The following PDE6C variants were observed in gnomAD, a reference collection of about 807,000 sequenced individuals.
PDE6C encodes the protein cone cGMP-specific 3',5'-cyclic phosphodiesterase subunit alpha'.
PDE6C carries 75 observed loss-of-function variants against 113.1 expected under a neutral mutation model. The ratio of observed to expected loss-of-function variants is 0.66; its 90% CI spans 0.55 to 0.80. PDE6C has a LOEUF of 0.80. PDE6C is among the 30% of genes least tolerant of loss of function. The probability of loss-of-function intolerance (pLI) is 0.00; values close to 1 mark genes in which losing one functional copy is unlikely to be tolerated. For missense variants in PDE6C, 912 were observed against 1,038.6 expected, an observed-to-expected ratio of 0.88 and a Z score of 1.67; for synonymous variants, 375 against 363.7, an observed-to-expected ratio of 1.03 and a Z score of -0.35.
intron 4 of PDE6C, among the ~76,000 whole-genome samples, chr10:93,622,456 T>C (rs1174287955): frequency 6.6e-6 from 1 of 152,106 alleles, no homozygotes; most frequent in African/African-American, 2.4e-5. Flanking sequence ...ATATTATTAT[T>C]AACTAAAGTC....
At chr10:93,618,356 T>A (rs1414887249) in intron 1 of PDE6C, among the ~76,000 whole-genome samples, 2 of 152,122 alleles carry the variant, frequency 1.3e-5, no homozygotes, top group Non-Finnish European at 2.9e-5. Flanking sequence ...AGGCAGTAGA[T>A]GGAAGCATTA....
At chr10:93,652,685 CAT>C (rs1589703519) in intron 15 of PDE6C, among the ~76,000 whole-genome samples, 1 of 152,076 alleles carries the variant, frequency 6.6e-6, no homozygotes, top group African/African-American at 2.4e-5. Flanking sequence ...GTATTTGTCA[CAT>C]ATGTTTCTAT....
At chr10:93,635,870 G>T (rs1169719056) in intron 10 of PDE6C, among the ~76,000 whole-genome samples, 3 of 152,148 alleles carry the variant, frequency 2.0e-5, no homozygotes, top group Admixed American at 1.3e-4. Flanking sequence ...ACAGCCCTGG[G>T]GCTATGGGAG....
chr10:93,627,680 T>C (rs1340200308), intron 7 of PDE6C, among the ~76,000 whole-genome samples: 1 of 152,172 alleles, frequency 6.6e-6, no homozygotes, highest in African/African-American at 2.4e-5. Context: ...AAACAGATAA[T>C]TGCTGATGAA....
intron 14 of PDE6C, among the ~76,000 whole-genome samples, chr10:93,644,742 A>G (rs534199602): frequency 1.4e-5 from 2 of 148,038 alleles, no homozygotes; most frequent in South Asian, 4.3e-4. Flanking sequence ...TAACCACCAA[A>G]CTACTCTCTA....
intron 15 of PDE6C, among the ~76,000 whole-genome samples, chr10:93,653,531 C>A (rs372706238): frequency 2.0e-5 from 3 of 152,010 alleles, no homozygotes; most frequent in East Asian, 1.9e-4. Flanking sequence ...GTAATCCCAG[C>A]TATTTGGGAG....
intron 3 of PDE6C, among the ~76,000 whole-genome samples, chr10:93,621,667 C>T (rs2058447148): frequency 6.6e-6 from 1 of 152,208 alleles, no homozygotes; most frequent in Non-Finnish European, 1.5e-5. Flanking sequence ...GGCACTTCCC[C>T]TTTGGAGCCA....
rs2058401353 is a variant in PDE6C, at chr10:93,613,221, A to G, written c.480+16A>G. ...TGTGAAAAAGGTAGGTGGCCTTATG[A>G]CAGTGGGGCAGAGGTCTTGGCAGGG... On this transcript the variant is annotated intron_variant, in intron 1 of 21. Coordinates refer to ENST00000371447, the MANE Select transcript of PDE6C (RefSeq NM_006204.4). 1 of 1,613,372 alleles carries G rather than the reference A, an allele frequency of 6.2e-7. No individual in the cohort carries two copies. Among genetic ancestry groups the G allele is most frequent in the Non-Finnish European group, 8.5e-7 (1 of 1,180,024 alleles).
At chr10:93,635,688 A>G (rs768358214) in intron 10 of PDE6C, 48 bp downstream of exon 10, 3 of 1,584,944 alleles carry the variant, frequency 1.9e-6, no homozygotes, top group Middle Eastern at 1.7e-4. Flanking sequence ...ACCTAACCAC[A>G]TATTCTAGAA....
In PDE6C at chr10:93,639,515, C is replaced by T. The variant is rs572579194; in HGVS notation, c.1483-555C>T. Among the ~76,000 whole-genome samples, 12 of 152,298 alleles carry T rather than the reference C, an allele frequency of 7.9e-5. No individual in the cohort carries two copies. In the South Asian group the frequency reaches 2.5e-3, roughly 32 times the overall value. On this transcript the variant is annotated intron_variant, in intron 11 of 21. Coordinates refer to ENST00000371447, the MANE Select transcript of PDE6C (RefSeq NM_006204.4). ...GGGCAATCATTGGTTTATCCATCCA[C>T]TCATTCATTCAACAGGCATTTCCTG... is the stretch of plus-strand genomic sequence containing the variant.
rs754530891 is a variant in PDE6C, at chr10:93,640,056, C to A, written c.1483-14C>A. 22 of 1,613,676 alleles carry A rather than the reference C, an allele frequency of 1.4e-5. No homozygotes were observed. The highest frequency in any genetic ancestry group is 1.6e-5 in the Non-Finnish European group (19 of 1,179,730). On this transcript the variant is annotated splice_polypyrimidine_tract_variant and intron_variant, in intron 11 of 21. Transcript: ENST00000371447. The stretch of plus-strand genomic sequence containing the variant: ...ATGAATGTAATCTGAAACAACCCAT[C>A]CTTATTTCAACAGAAAGAGGACTTG...
intron 3 of PDE6C, 136 bp downstream of exon 3, chr10:93,621,116 C>T (rs925926870): frequency 2.1e-5 from 15 of 719,034 alleles, no homozygotes; most frequent in Middle Eastern, 3.7e-4. Flanking sequence ...TTCAGTCCCA[C>T]GTGTCCTCTC....
chr10:93,630,328 G>GC (rs1458548631), intron 8 of PDE6C, among the ~76,000 whole-genome samples: 1 of 75,794 alleles, frequency 1.3e-5, no homozygotes, highest in Non-Finnish European at 2.7e-5. Context: ...ATCCCTCCCC[G>GC]CCCCCCGAGT....
chr10:93,665,807 C>A lies in PDE6C; in HGVS notation c.*389C>A, dbSNP rs2058687286. ...GTCCTGGGGGCTGGAAGTTCAAGAT[C>A]AAGGAGTTGGCAGGGTTGGTTTCTT... On this transcript the variant is annotated 3_prime_UTR_variant, in exon 22 of 22. Coordinates refer to ENST00000371447, the MANE Select transcript of PDE6C (RefSeq NM_006204.4). 3.8e-6 allele frequency: 1 copy of A among 264,290 alleles called. No individual in the cohort carries two copies. The highest frequency in any genetic ancestry group is 7.3e-6 in the Non-Finnish European group (1 of 136,978). 16.4% of individuals were successfully genotyped at this position (264,290 alleles called of 1,614,324 possible). A position where few individuals can be genotyped will look rare whatever the true frequency, so the allele number is the denominator to read the frequency against.
At chr10:93,650,170 A>G (rs758409204) in intron 15 of PDE6C, among the ~76,000 whole-genome samples, 2 of 152,174 alleles carry the variant, frequency 1.3e-5, no homozygotes, top group Non-Finnish European at 2.9e-5. Flanking sequence ...TAATCATGCA[A>G]TCAATCACAC....
chr10:93,645,051 CAT>C (rs1404652552), intron 14 of PDE6C, among the ~76,000 whole-genome samples: 1 of 151,516 alleles, frequency 6.6e-6, no homozygotes, highest in East Asian at 1.9e-4. Context: ...TCAAATATCA[CAT>C]GTTCTCACTC....
rs554305717 is a variant in PDE6C, at chr10:93,661,974, G to C, written c.2209-85G>C. The C allele has an allele frequency of 2.3e-4, 195 of 851,778 alleles. 1 individual carries two copies. Among genetic ancestry groups the C allele is most frequent in the Middle Eastern group, 1.3e-3 (6 of 4,634 alleles). 52.8% of individuals were successfully genotyped at this position (851,778 alleles called of 1,614,324 possible). On this transcript the variant is annotated intron_variant, in intron 18 of 21. Coordinates refer to ENST00000371447, the MANE Select transcript of PDE6C (RefSeq NM_006204.4). ...CACCTCAAACATTGACTGTAAACTC[G>C]ATCCTTAAATGTCACTTGTACTAAT...
At chr10:93,657,302 C>G (rs1255255103) in intron 16 of PDE6C, among the ~76,000 whole-genome samples, 3 of 149,244 alleles carry the variant, frequency 2.0e-5, no homozygotes, top group Admixed American at 6.7e-5. Context: ...GCTAGGACTA[C>G]AGGCACACGT....
chr10:93,612,862 C>T lies in PDE6C; in HGVS notation c.137C>T (p.Ser46Phe). The T allele has an allele frequency of 1.2e-6, 2 of 1,614,160 alleles. No individual in the cohort carries two copies. The highest frequency in any genetic ancestry group is 1.7e-6 in the Non-Finnish European group (2 of 1,180,042). The change falls in exon 1 of 22, where the codon TCC (serine) becomes TTC (phenylalanine). Residue 46 changes from serine to phenylalanine, a missense_variant. Physicochemically the swap from Ser to Phe is radical, Grantham distance 155. Transcript: ENST00000371447. ...IFKNSQVPVQ[S>F]SMSFSELTQV... The stretch of plus-strand genomic sequence containing the variant: ...AAGAACAGCCAGGTGCCAGTCCAGT[C>T]CAGCATGTCCTTCTCTGAGCTGACC...
Sources: allele counts gnomAD v4.1 joint callset (sites outside exome capture counted in the v4.1 genomes callset), GRCh38; gene constraint gnomAD v4.1.1; transcripts MANE v1.5; gene names NCBI Gene and HGNC (gene_info 2026-07-23, HGNC 2026-07-21).